The following GRIK1 variants were observed in gnomAD, a reference collection of about 807,000 sequenced individuals.
The protein encoded by GRIK1 is glutamate ionotropic receptor kainate type subunit 1, also known as glutamate receptor ionotropic, kainate 1.
GRIK1 carries 69 observed loss-of-function variants against 105.7 expected under a neutral mutation model. The observed-to-expected ratio is 0.65, with a 90% confidence interval of 0.54 to 0.80. GRIK1 has a LOEUF of 0.80. Ranked by LOEUF, GRIK1 falls within the 30% of genes least tolerant of loss-of-function variation. The pLI is 0.00. For synonymous variants in GRIK1, 438 were observed against 431.3 expected, an observed-to-expected ratio of 1.02 and a Z score of -0.19; for missense variants, 1,109 against 1,167.3, an observed-to-expected ratio of 0.95 and a Z score of 0.73.
chr21:29,807,090 A>T (rs912729494), intron 1 of GRIK1, among the ~76,000 whole-genome samples: 9 of 152,286 alleles, frequency 5.9e-5, no homozygotes, highest in Non-Finnish European at 1.2e-4. Context: ...GCAGGGTTTG[A>T]ACACAGCAGA....
intron 7 of GRIK1, among the ~76,000 whole-genome samples, chr21:29,616,387 T>C (rs778413009): frequency 6.6e-5 from 10 of 152,238 alleles, no homozygotes; most frequent in Non-Finnish European, 1.3e-4. Context: ...GCTTTTATCA[T>C]TTAAATTCCA....
intron 7 of GRIK1, among the ~76,000 whole-genome samples, chr21:29,618,781 G>A (rs187975977): frequency 6.6e-6 from 1 of 152,252 alleles, no homozygotes; most frequent in East Asian, 1.9e-4. Flanking sequence ...ACCAAACAAT[G>A]TATGTTCTCA....
chr21:29,856,951 G>A (rs1197809175), intron 1 of GRIK1, among the ~76,000 whole-genome samples: 1 of 152,134 alleles, frequency 6.6e-6, no homozygotes, highest in Non-Finnish European at 1.5e-5. Context: ...GCATTGATGG[G>A]ATGAGGACTA....
intron 1 of GRIK1, among the ~76,000 whole-genome samples, chr21:29,729,312 C>CA (rs1217367954): frequency 6.6e-6 from 1 of 151,730 alleles, no homozygotes; most frequent in Admixed American, 6.6e-5. Flanking sequence ...GCAGAAAAGT[C>CA]AAAAAAAGGA....
At chr21:29,842,463 C>G (rs1032447467) in intron 1 of GRIK1, among the ~76,000 whole-genome samples, 2 of 152,160 alleles carry the variant, frequency 1.3e-5, no homozygotes, top group African/African-American at 4.8e-5. Flanking sequence ...TGAAGGCTTA[C>G]TAGAAATTTT....
chr21:29,884,293 CT>C (rs1232574848), intron 1 of GRIK1, among the ~76,000 whole-genome samples: 1 of 151,948 alleles, frequency 6.6e-6, no homozygotes, highest in African/African-American at 2.4e-5. Flanking sequence ...ATTATAAATC[CT>C]TTTTCCAGAG....
chr21:29,667,164 A>T (rs2063075796), intron 4 of GRIK1, among the ~76,000 whole-genome samples: 1 of 152,222 alleles, frequency 6.6e-6, no homozygotes. Flanking sequence ...ATCCCTTAGC[A>T]TAGTGTGCCA....
intron 1 of GRIK1, among the ~76,000 whole-genome samples, chr21:29,722,910 G>A (rs1330652111): frequency 2.6e-5 from 4 of 152,160 alleles, no homozygotes; most frequent in South Asian, 2.1e-4. Flanking sequence ...TAAAATGTTC[G>A]TAGCAGTTAA....
Position 29,910,877 on chromosome 21 carries a change from AT to A in GRIK1, c.118+28505del, listed in dbSNP as rs549504961. On this transcript the variant is annotated intron_variant, in intron 1 of 17. Transcript: ENST00000327783. The stretch of plus-strand genomic sequence containing the variant: ...AAAGCATGATTAAAGAAGACAATTG[AT>A]TTTTTTTTTTACAAGACTGACTTCG... Among the ~76,000 whole-genome samples, 1,218 of 148,098 alleles carry A rather than the reference AT, an allele frequency of 8.2e-3. 6 individuals are homozygous for A. Among genetic ancestry groups the A allele is most frequent in the Non-Finnish European group, 0.012 (831 of 66,608 alleles).
intron 1 of GRIK1, among the ~76,000 whole-genome samples, chr21:29,916,046 A>G (rs1361359242): frequency 1.3e-5 from 2 of 151,964 alleles, no homozygotes; most frequent in South Asian, 2.1e-4. Context: ...TGAACTACAA[A>G]TTGAGTTAAT....
chr21:29,554,552 G>A (rs1426395341), intron 16 of GRIK1, among the ~76,000 whole-genome samples: 1 of 152,034 alleles, frequency 6.6e-6, no homozygotes, highest in Non-Finnish European at 1.5e-5. Flanking sequence ...AAAATTTGAG[G>A]TGATATATCC....
chr21:29,676,795 A>G (rs2063276500), intron 3 of GRIK1, among the ~76,000 whole-genome samples: 1 of 152,224 alleles, frequency 6.6e-6, no homozygotes, highest in Non-Finnish European at 1.5e-5. Context: ...AAAAATGTCA[A>G]TGTCATATAT....
At chr21:29,929,358 C>T (rs2071489746) in intron 1 of GRIK1, among the ~76,000 whole-genome samples, 1 of 152,170 alleles carries the variant, frequency 6.6e-6, no homozygotes, top group Admixed American at 6.5e-5. Context: ...CTGGACAAAA[C>T]ACATTAATGG....
At chr21:29,659,754 A>G (rs571965646) in intron 4 of GRIK1, among the ~76,000 whole-genome samples, 4 of 152,306 alleles carry the variant, frequency 2.6e-5, no homozygotes, top group Non-Finnish European at 5.9e-5. Flanking sequence ...TGAGGTCGGG[A>G]GTTCAAGATC....
At chr21:29,928,302 C>T (rs942904479) in intron 1 of GRIK1, among the ~76,000 whole-genome samples, 8 of 152,172 alleles carry the variant, frequency 5.3e-5, no homozygotes, top group Admixed American at 2.0e-4. Context: ...GCTTTAAATA[C>T]CACAGCAGTA....
intron 1 of GRIK1, among the ~76,000 whole-genome samples, chr21:29,874,661 T>C (rs988714967): frequency 6.6e-6 from 1 of 152,158 alleles, no homozygotes; most frequent in African/African-American, 2.4e-5. Context: ...TAACATGATT[T>C]GGGTGGGAGA....
chr21:29,872,814 C>T (rs1288336869), intron 1 of GRIK1, among the ~76,000 whole-genome samples: 3 of 152,144 alleles, frequency 2.0e-5, no homozygotes, highest in African/African-American at 7.2e-5. Context: ...GACCCACCCC[C>T]ATCACTCAAT....
At chr21:29,551,208 A>G (rs1443564725) in intron 16 of GRIK1, among the ~76,000 whole-genome samples, 1 of 152,256 alleles carries the variant, frequency 6.6e-6, no homozygotes, top group Non-Finnish European at 1.5e-5. Flanking sequence ...CTGAGATAGC[A>G]TGTAGTAAAG....
chr21:29,896,610 CT>C (rs2070172038), intron 1 of GRIK1, among the ~76,000 whole-genome samples: 1 of 152,076 alleles, frequency 6.6e-6, no homozygotes, highest in Non-Finnish European at 1.5e-5. Context: ...CACATAGTAG[CT>C]GTTAAGGTTG....
Sources: allele counts gnomAD v4.1 joint callset (sites outside exome capture counted in the v4.1 genomes callset), GRCh38; gene constraint gnomAD v4.1.1; transcripts MANE v1.5; gene names NCBI Gene and HGNC (gene_info 2026-07-23, HGNC 2026-07-21).